FRS2: variants seen among roughly 807,000 people sequenced by gnomAD.
The protein encoded by FRS2 is FGFR signalling adaptor.
In FRS2, 8 loss-of-function variants were observed where a neutral mutation model predicts 43.9. That is an observed-to-expected ratio of 0.18 (90% CI 0.11 to 0.33). The LOEUF (loss-of-function observed/expected upper bound fraction) is 0.33. Among genes scored for constraint, FRS2 ranks in the 10% least tolerant of loss-of-function variants. The probability of loss-of-function intolerance (pLI) is 1.00; values close to 1 mark genes in which losing one functional copy is unlikely to be tolerated. For synonymous variants in FRS2, 219 were observed against 220.3 expected (o/e 0.99, Z 0.05); for missense variants, 534 against 627.6 (o/e 0.85, Z 1.59).
chr12:69,571,356 G>A lies in FRS2; in HGVS notation c.334G>A (p.Val112Met), dbSNP rs1314182867. ...GATTATGCAAAATAATAGTATAAATGTGGTGGAAGAGCCAGTTGTAGAAAG... is the reference window on the plus strand; with the variant it reads ...GATTATGCAAAATAATAGTATAAATATGGTGGAAGAGCCAGTTGTAGAAAG... Reference protein sequence around the residue: ...QEIMQNNSINVVEEPVVERNN... With the variant: ...QEIMQNNSINMVEEPVVERNN... The change falls in exon 7 of 9, where the codon GTG becomes ATG. Residue 112 changes from valine (V) to methionine (M), a missense_variant. Val to Met is a conservative substitution (Grantham distance 21). Coordinates refer to ENST00000549921, the MANE Select transcript of FRS2 (RefSeq NM_001278356.2). 2 of 1,610,562 alleles carry A rather than the reference G, an allele frequency of 1.2e-6. No homozygotes were observed. Among genetic ancestry groups the A allele is most frequent in the Non-Finnish European group, 1.7e-6 (2 of 1,177,150 alleles).
intron 1 of FRS2, among the ~76,000 whole-genome samples, chr12:69,507,945 A>AC (rs1874096778): frequency 6.7e-6 from 1 of 148,736 alleles, no homozygotes; most frequent in Non-Finnish European, 1.5e-5. Context: ...AATTGCTTCA[A>AC]CCCAGGAGGC....
rs74730287 is a variant in FRS2 at position 69,483,100 on chromosome 12, A to G, written c.-261+12570A>G. On this transcript the variant is annotated intron_variant, in intron 1 of 8. Transcript: ENST00000549921. ...TGCATACCTTCACTTGGTTTTCCCA[A>G]CGAAAACATCTTACATAGATGTCAT... Among the ~76,000 whole-genome samples, 132 of 152,346 alleles carry G rather than the reference A, an allele frequency of 8.7e-4. 1 individual carries two copies. The East Asian group carries it at 0.022, about 26-fold the overall frequency.
intron 1 of FRS2, among the ~76,000 whole-genome samples, chr12:69,503,307 TGACTTCTGTCTTCTA>T (rs986941179): frequency 2.0e-5 from 3 of 152,226 alleles, no homozygotes; most frequent in East Asian, 1.9e-4. Flanking sequence ...CCAGTCTCTC[TGACTTCTGTCTTCTA>T]GACCCACGTT....
chr12:69,471,065 G>T (rs983375767), intron 1 of FRS2, among the ~76,000 whole-genome samples: 4 of 152,068 alleles, frequency 2.6e-5, no homozygotes, highest in African/African-American at 9.7e-5. Context: ...TTTGCTTCAG[G>T]GTTGTCCGGG....
At chr12:69,534,076 A>T (rs503801) in intron 3 of FRS2, among the ~76,000 whole-genome samples, 17 of 152,262 alleles carry the variant, frequency 1.1e-4, no homozygotes, top group Non-Finnish European at 2.2e-4. Context: ...TTGATAGTCT[A>T]CTTGGAGTTA....
At position 69,575,249 on chromosome 12, in the gene FRS2, G is replaced by A; in HGVS notation, c.*294G>A. 2.9e-6 allele frequency: 1 copy of A among 339,332 alleles called. No homozygotes were observed. The highest frequency in any genetic ancestry group is 5.4e-6 in the Non-Finnish European group (1 of 186,582). The allele number at this position is 339,332 out of a possible 1,614,324, so 21.0% of individuals were successfully genotyped here. A position where few individuals can be genotyped will look rare whatever the true frequency, so the allele number is the denominator to read the frequency against. ...CTGGTTGATTTTTATCAATATTCTG[G>A]ACTTAACGCATACCTTTCATGTCTA... On this transcript the variant is annotated 3_prime_UTR_variant, in exon 9 of 9. Transcript: ENST00000549921.
intron 1 of FRS2, among the ~76,000 whole-genome samples, chr12:69,498,048 C>G (rs756744020): frequency 7.2e-5 from 11 of 151,936 alleles, no homozygotes; most frequent in Non-Finnish European, 1.5e-4. Context: ...TTAACTTTAA[C>G]AGTAGAAACT....
Position 69,471,265 on chromosome 12 carries a change from TA to T in FRS2, c.-261+746del, listed in dbSNP as rs915441613. ...CCCCCGCCTTTTTTTGCAGACATAC[TA>T]AAAAAAAAAAGATGCTTTTCTCTAA... On this transcript the variant is annotated intron_variant, in intron 1 of 8. Transcript: ENST00000549921. Among the ~76,000 whole-genome samples the T allele has an allele frequency of 5.4e-3, 782 of 144,732 alleles. 20 individuals carry two copies. Among genetic ancestry groups the T allele is most frequent in the Admixed American group, 0.037 (533 of 14,554 alleles). The allele number at this position is 144,732 out of a possible 152,430, so 94.9% of individuals were successfully genotyped here.
At chr12:69,534,747 G>T (rs1679084774) in intron 3 of FRS2, among the ~76,000 whole-genome samples, 1 of 152,168 alleles carries the variant, frequency 6.6e-6, no homozygotes, top group Non-Finnish European at 1.5e-5. Context: ...TGGAGCTTGT[G>T]TGTGGTTAAA....
chr12:69,536,690 C>T (rs1319166142), intron 3 of FRS2, among the ~76,000 whole-genome samples: 1 of 151,882 alleles, frequency 6.6e-6, no homozygotes, highest in East Asian at 1.9e-4. Context: ...CCCACCTCAG[C>T]CTCTCAAGTA....
chr12:69,506,618 T>A (rs1466649684), intron 1 of FRS2, among the ~76,000 whole-genome samples: 1 of 152,184 alleles, frequency 6.6e-6, no homozygotes, highest in Non-Finnish European at 1.5e-5. Flanking sequence ...TTCTTTTAGA[T>A]CCAGTTCGGT....
intron 3 of FRS2, among the ~76,000 whole-genome samples, chr12:69,535,941 G>A (rs1339630741): frequency 6.6e-6 from 1 of 151,300 alleles, no homozygotes; most frequent in Admixed American, 6.6e-5. Context: ...AATTAGAATT[G>A]TTTTATCTGT....
rs61927232 is a variant in FRS2, at chr12:69,505,165, A to G, written c.-260-25700A>G. On this transcript the variant is annotated intron_variant, in intron 1 of 8. Transcript: ENST00000549921. ...TGAGCCAATGTACCTGGCCTCTTCT[A>G]ATTTCCAGTTTTTGTTTCTAAAAAC... Among the ~76,000 whole-genome samples, 502 of 152,304 alleles carry G rather than the reference A, an allele frequency of 3.3e-3. 1 individual carries two copies. The highest frequency in any genetic ancestry group is 5.7e-3 in the Non-Finnish European group (387 of 68,038).
At position 69,578,093 on chromosome 12, in the gene FRS2, C is replaced by T. The variant is rs981670886; in HGVS notation, c.*3138C>T. On this transcript the variant is annotated 3_prime_UTR_variant, in exon 9 of 9. Transcript: ENST00000549921. Reference sequence around the variant, plus strand: ...TTTTCATAATTTCCCAACAATGTGCCGCCATATTTTTGCCTCAAGGTAAAG... The same window carrying T: ...TTTTCATAATTTCCCAACAATGTGCTGCCATATTTTTGCCTCAAGGTAAAG... The T allele has an allele frequency of 2.0e-5, 3 of 152,524 alleles. No homozygotes were observed. The highest frequency in any genetic ancestry group is 6.5e-5 in the Admixed American group (1 of 15,274). The allele number at this position is 152,524 out of a possible 1,614,324, so 9.4% of individuals were successfully genotyped here. A position where few individuals can be genotyped will look rare whatever the true frequency, so the allele number is the denominator to read the frequency against.
At chr12:69,557,619 T>TGCGTGCGC (rs1879499311) in intron 3 of FRS2, among the ~76,000 whole-genome samples, 1 of 118,966 alleles carries the variant, frequency 8.4e-6, no homozygotes, top group Non-Finnish European at 1.9e-5. Flanking sequence ...TGTGTGTGTG[T>TGCGTGCGC]GCGCGCGCGC....
chr12:69,505,660 T>G (rs1396841381), intron 1 of FRS2, among the ~76,000 whole-genome samples: 1 of 152,232 alleles, frequency 6.6e-6, no homozygotes, highest in Non-Finnish European at 1.5e-5. Flanking sequence ...ATTTCCAATT[T>G]GAGATTGGGT....
At chr12:69,497,739 A>G (rs977532579) in intron 1 of FRS2, among the ~76,000 whole-genome samples, 16 of 152,208 alleles carry the variant, frequency 1.1e-4, no homozygotes, top group Non-Finnish European at 1.9e-4. Context: ...GGGAAAAGCA[A>G]GTGTAAAAGC....
intron 1 of FRS2, among the ~76,000 whole-genome samples, chr12:69,516,340 T>C (rs1426247601): frequency 6.6e-6 from 1 of 151,866 alleles, no homozygotes; most frequent in Non-Finnish European, 1.5e-5. Flanking sequence ...CGCCTCAGCC[T>C]CCGGAGTAGC....
At chr12:69,500,591 T>C (rs937275837) in intron 1 of FRS2, among the ~76,000 whole-genome samples, 14 of 152,232 alleles carry the variant, frequency 9.2e-5, no homozygotes, top group Admixed American at 6.5e-4. Context: ...GGTCTTATGA[T>C]TGAGTCTTAG....
Sources: gnomAD v4.1 joint callset for allele counts (sites outside exome capture counted in the v4.1 genomes callset) on GRCh38, gnomAD v4.1.1 for gene constraint, MANE v1.5 for transcripts, NCBI Gene and HGNC (gene_info 2026-07-23, HGNC 2026-07-21) for gene names.